NCEH1: variants seen among roughly 807,000 people sequenced by gnomAD.
The protein encoded by NCEH1 is 2-acetyl MAGE hydrolase.
Under a neutral mutation model 25.4 loss-of-function variants are expected in NCEH1, and 9 were observed. That is an observed-to-expected ratio of 0.35 (90% CI 0.21 to 0.62). The LOEUF is 0.62. Among genes scored for constraint, NCEH1 ranks in the 20% least tolerant of loss-of-function variants. The pLI, the probability that NCEH1 is intolerant of heterozygous loss-of-function variation, is 0.72. For missense variants in NCEH1, 412 were observed against 501.1 expected (o/e 0.82, Z 1.70); for synonymous variants, 200 against 199.8 (o/e 1.00, Z -0.01).
chr3:172,703,105 C>T (rs947715365), intron 1 of NCEH1: 1 of 152,220 alleles, frequency 6.6e-6, no homozygotes, highest in Admixed American at 6.5e-5. Flanking sequence ...TTTCATTTGG[C>T]AGCAAAAGTA....
chr3:172,658,231 G>A (rs1717794516), intron 1 of NCEH1, among the ~76,000 whole-genome samples: 1 of 152,166 alleles, frequency 6.6e-6, no homozygotes, highest in South Asian at 2.1e-4. Flanking sequence ...CGCAACATCA[G>A]GAAGTTACCC....
chr3:172,681,809 A>T (rs1017614696), intron 1 of NCEH1, among the ~76,000 whole-genome samples: 2 of 151,304 alleles, frequency 1.3e-5, no homozygotes, highest in Non-Finnish European at 2.9e-5. Flanking sequence ...CAGGATGCTG[A>T]GGCAGGAGAA....
intron 1 of NCEH1, among the ~76,000 whole-genome samples, chr3:172,695,455 T>G (rs1286364706): frequency 6.6e-6 from 1 of 152,210 alleles, no homozygotes; most frequent in African/African-American, 2.4e-5. Flanking sequence ...TTTCTCTAGC[T>G]TTTGGAGCAC....
intron 2 of NCEH1, among the ~76,000 whole-genome samples, chr3:172,646,403 G>T (rs1717123853): frequency 6.6e-6 from 1 of 152,068 alleles, no homozygotes; most frequent in Non-Finnish European, 1.5e-5. Context: ...TTCATTTGCT[G>T]CAGTTCAGTA....
intron 1 of NCEH1, among the ~76,000 whole-genome samples, chr3:172,675,327 A>AAATTAATT (rs1179146406): frequency 4.0e-5 from 6 of 148,950 alleles, no homozygotes; most frequent in East Asian, 2.0e-4. Context: ...ATAAATAAAT[A>AAATTAATT]AATAAATAAA....
chr3:172,648,407 T>C (rs1717230080), intron 1 of NCEH1, among the ~76,000 whole-genome samples: 2 of 152,136 alleles, frequency 1.3e-5, no homozygotes, highest in Admixed American at 6.6e-5. Flanking sequence ...GACTCAAACC[T>C]AAGATTAGGT....
intron 1 of NCEH1, among the ~76,000 whole-genome samples, chr3:172,664,744 C>T (rs562348411): frequency 3.5e-4 from 54 of 152,272 alleles, no homozygotes; most frequent in African/African-American, 1.2e-3. Context: ...TCCACTTGAT[C>T]GAATCGGCTA....
intron 1 of NCEH1, among the ~76,000 whole-genome samples, chr3:172,691,679 G>T: frequency 6.6e-6 from 1 of 152,290 alleles, no homozygotes; most frequent in East Asian, 1.9e-4. Context: ...GCCGGGCGCG[G>T]TGGCTCACGC....
chr3:172,644,856 G>C (rs966558050), intron 3 of NCEH1, among the ~76,000 whole-genome samples: 1 of 152,054 alleles, frequency 6.6e-6, no homozygotes, highest in East Asian at 1.9e-4. Flanking sequence ...AACATAATAA[G>C]TCAAATATGT....
chr3:172,698,731 A>C (rs1470441003), intron 1 of NCEH1, among the ~76,000 whole-genome samples: 6 of 152,236 alleles, frequency 3.9e-5, no homozygotes, highest in Non-Finnish European at 7.3e-5. Flanking sequence ...AACAAGCATA[A>C]ATCTATTAAA....
chr3:172,653,950 T>C (rs561785091), intron 1 of NCEH1, among the ~76,000 whole-genome samples: 18 of 151,964 alleles, frequency 1.2e-4, no homozygotes, highest in Admixed American at 2.0e-4. Context: ...AAAGACAAGG[T>C]TTCACTGTGC....
At chr3:172,670,156 C>T (rs1055367406) in intron 1 of NCEH1, among the ~76,000 whole-genome samples, 1 of 152,054 alleles carries the variant, frequency 6.6e-6, no homozygotes, top group African/African-American at 2.4e-5. Flanking sequence ...TTTTAATCAA[C>T]AGTGTTGTCA....
intron 1 of NCEH1, among the ~76,000 whole-genome samples, chr3:172,684,710 A>G (rs1280947061): frequency 6.6e-6 from 1 of 152,132 alleles, no homozygotes; most frequent in East Asian, 1.9e-4. Flanking sequence ...GCTGGGTGCA[A>G]TGGCTCACAC....
intron 1 of NCEH1, among the ~76,000 whole-genome samples, chr3:172,696,171 CATT>C (rs1713358255): frequency 6.6e-6 from 1 of 152,124 alleles, no homozygotes. Context: ...GAGGTACTGT[CATT>C]ATCTTCATGT....
At chr3:172,646,362 A>G (rs552439713) in intron 2 of NCEH1, among the ~76,000 whole-genome samples, 210 of 137,708 alleles carry the variant, frequency 1.5e-3, no homozygotes, top group Non-Finnish European at 2.6e-3. Flanking sequence ...GTCTAAAAAT[A>G]ATAATTTTAA....
intron 1 of NCEH1, among the ~76,000 whole-genome samples, chr3:172,676,748 G>T (rs1178832537): frequency 6.6e-6 from 1 of 152,114 alleles, no homozygotes; most frequent in Non-Finnish European, 1.5e-5. Context: ...AAGGACCCTG[G>T]TGTTCCTTCA....
intron 1 of NCEH1, among the ~76,000 whole-genome samples, chr3:172,699,417 G>A (rs1252770655): frequency 6.6e-6 from 1 of 152,156 alleles, no homozygotes; most frequent in Non-Finnish European, 1.5e-5. Flanking sequence ...TGGAGGAGTG[G>A]TAACTGGAGG....
intron 3 of NCEH1, among the ~76,000 whole-genome samples, chr3:172,644,306 T>C (rs1047832660): frequency 1.3e-5 from 2 of 152,086 alleles, no homozygotes; most frequent in Non-Finnish European, 2.9e-5. Flanking sequence ...CCTCAGTGAC[T>C]CTGAGCAGCC....
chr3:172,635,912 T>C lies in NCEH1; in HGVS notation c.609+4A>G. 2.5e-6 allele frequency: 4 copies of C among 1,613,990 alleles called. No individual in the cohort carries two copies. The highest frequency in any genetic ancestry group is 3.4e-6 in the Non-Finnish European group (4 of 1,179,896). On this transcript the variant is annotated splice_donor_region_variant and intron_variant, in intron 4 of 4. Transcript: ENST00000475381. The stretch of plus-strand genomic sequence containing the variant: ...CCACCAGCACCTTAGGACAGTGGTG[T>C]TACCTGTTGTCCAAGGGCAGCAGCC...
Sources: allele counts gnomAD v4.1 joint callset (sites outside exome capture counted in the v4.1 genomes callset), GRCh38; gene constraint gnomAD v4.1.1; transcripts MANE v1.5; gene names NCBI Gene and HGNC (gene_info 2026-07-23, HGNC 2026-07-21).